The following FAM163A variants were observed in gnomAD, a reference collection of about 807,000 sequenced individuals.
FAM163A encodes the protein protein FAM163A.
In FAM163A, 7 loss-of-function variants were observed where a neutral mutation model predicts 12.0. The ratio of observed to expected loss-of-function variants is 0.58; its 90% CI spans 0.33 to 1.10. The LOEUF is 1.10. FAM163A is among the 50% of genes least tolerant of loss of function. The pLI is 0.03. For synonymous variants in FAM163A, 101 were observed against 91.0 expected, an observed-to-expected ratio of 1.11 and a Z score of -0.62; for missense variants, 202 against 218.6, an observed-to-expected ratio of 0.92 and a Z score of 0.48.
At chr1:179,761,744 G>A (rs777269866) in intron 1 of FAM163A, among the ~76,000 whole-genome samples, 7 of 152,158 alleles carry the variant, frequency 4.6e-5, no homozygotes, top group Non-Finnish European at 8.8e-5. Context: ...GACTGGGGTC[G>A]GTGAGGTGTT....
chr1:179,732,611 G>T, the FAM163A span, among the ~76,000 whole-genome samples: 1 of 152,110 alleles, frequency 6.6e-6, no homozygotes, highest in Non-Finnish European at 1.5e-5. Flanking sequence ...GCAGGATGCG[G>T]TGGCTCACAC....
chr1:179,730,639 T>C, the FAM163A span, among the ~76,000 whole-genome samples: 1 of 152,370 alleles, frequency 6.6e-6, no homozygotes, highest in South Asian at 2.1e-4. Flanking sequence ...ATGCAAGTTA[T>C]TGTGCTGGAT....
At chr1:179,780,179 G>A (rs1463102145) in intron 1 of FAM163A, among the ~76,000 whole-genome samples, 2 of 152,186 alleles carry the variant, frequency 1.3e-5, no homozygotes, top group South Asian at 2.1e-4. Flanking sequence ...CTATGCAAAT[G>A]TATATTTATG....
chr1:179,729,495 T>C, the FAM163A span, among the ~76,000 whole-genome samples: 1 of 152,122 alleles, frequency 6.6e-6, no homozygotes, highest in African/African-American at 2.4e-5. Context: ...ACCCAAGAGG[T>C]ACAATGCTAA....
intron 1 of FAM163A, among the ~76,000 whole-genome samples, chr1:179,806,085 TCTC>T: frequency 6.6e-6 from 1 of 152,276 alleles, no homozygotes; most frequent in Admixed American, 6.5e-5. Context: ...ACCATGGAAA[TCTC>T]CTCAGCAAAC....
chr1:179,790,601 C>G (rs770131650), intron 1 of FAM163A, among the ~76,000 whole-genome samples: 1 of 152,126 alleles, frequency 6.6e-6, no homozygotes, highest in Non-Finnish European at 1.5e-5. Context: ...AGATCAAACT[C>G]ACCCTTCCAC....
At chr1:179,754,009 C>T (rs932634662) in intron 1 of FAM163A, among the ~76,000 whole-genome samples, 2 of 152,104 alleles carry the variant, frequency 1.3e-5, no homozygotes, top group Non-Finnish European at 2.9e-5. Context: ...GAGTGCTGAC[C>T]ACATGATTGA....
chr1:179,804,351 T>C (rs1215720782), intron 1 of FAM163A, among the ~76,000 whole-genome samples: 1 of 152,142 alleles, frequency 6.6e-6, no homozygotes, highest in Non-Finnish European at 1.5e-5. Context: ...GGAGAGACAA[T>C]ATCAAATGGA....
intron 1 of FAM163A, among the ~76,000 whole-genome samples, chr1:179,792,750 C>A (rs140145257): frequency 8.5e-5 from 13 of 152,210 alleles, no homozygotes; most frequent in African/African-American, 2.9e-4. Flanking sequence ...ACCAAAAAGT[C>A]ATTTCTTCAT....
intron 2 of FAM163A, among the ~76,000 whole-genome samples, chr1:179,809,776 A>C (rs1467331300): frequency 6.6e-6 from 1 of 152,186 alleles, no homozygotes; most frequent in Non-Finnish European, 1.5e-5. Flanking sequence ...CTCTCTGTCC[A>C]TAAGCAGCCC....
At position 179,748,669 on chromosome 1, in the gene FAM163A, A is replaced by G. The variant is rs1225943962; in HGVS notation, c.-136+5246A>G. 4.6e-5 allele frequency among the ~76,000 whole-genome samples: 7 copies of G among 152,192 alleles called. No individual in the cohort carries two copies. The East Asian group carries it at 1.3e-3, about 29-fold the overall frequency. On this transcript the variant is annotated intron_variant, in intron 1 of 4. Coordinates refer to ENST00000341785, the MANE Select transcript of FAM163A (RefSeq NM_173509.3). ...GACATGCTGTCAGGTGCACAGGGCT[A>G]AAGTGAAGCAGAGACTGGCCCAAGG...
chr1:179,770,559 C>G (rs1413446308), intron 1 of FAM163A, among the ~76,000 whole-genome samples: 1 of 152,182 alleles, frequency 6.6e-6, no homozygotes, highest in East Asian at 1.9e-4. Flanking sequence ...TCATCTCCAG[C>G]CTTCTCTATC....
At chr1:179,788,771 A>T (rs1305270763) in intron 1 of FAM163A, among the ~76,000 whole-genome samples, 2 of 152,202 alleles carry the variant, frequency 1.3e-5, no homozygotes. Flanking sequence ...GAAAGAGGTC[A>T]CAAAAAGGGG....
the FAM163A span, among the ~76,000 whole-genome samples, chr1:179,732,630 C>A: frequency 6.6e-6 from 1 of 152,150 alleles, no homozygotes; most frequent in African/African-American, 2.4e-5. Context: ...ACCTGCAATT[C>A]CAGCACTTTA....
chr1:179,796,654 C>A lies in FAM163A; in HGVS notation c.-135-11144C>A, dbSNP rs971875238. Among the ~76,000 whole-genome samples, 86 of 152,232 alleles carry A rather than the reference C, an allele frequency of 5.6e-4. 1 individual carries two copies. Among genetic ancestry groups the A allele is most frequent in the African/African-American group, 2.1e-3 (86 of 41,536 alleles). ...CATTGTCTAAGTACATCCAGGTTGG[C>A]TACTCTGACCTTTCTAACATATAAA... On this transcript the variant is annotated intron_variant, in intron 1 of 4. Coordinates refer to ENST00000341785, the MANE Select transcript of FAM163A (RefSeq NM_173509.3).
intron 1 of FAM163A, among the ~76,000 whole-genome samples, chr1:179,795,674 A>T (rs1692195731): frequency 6.6e-6 from 1 of 152,210 alleles, no homozygotes; most frequent in Admixed American, 6.5e-5. Flanking sequence ...ATAGGCTAAG[A>T]CACAGTCCCA....
intron 1 of FAM163A, among the ~76,000 whole-genome samples, chr1:179,768,224 T>C (rs79498520): frequency 0.11 from 17,341 of 152,288 alleles, 1,095 homozygotes; most frequent in Non-Finnish European, 0.13. Context: ...TCTCTTTAAC[T>C]GTTTATCTGT....
intron 1 of FAM163A, among the ~76,000 whole-genome samples, chr1:179,781,412 A>T (rs1196732286): frequency 6.6e-6 from 1 of 151,626 alleles, no homozygotes; most frequent in Non-Finnish European, 1.5e-5. Context: ...GCAGTATAGC[A>T]TGGGGCACGT....
intron 1 of FAM163A, among the ~76,000 whole-genome samples, chr1:179,745,156 GGGGAAGTAATGTGT>G (rs1684288542): frequency 6.6e-6 from 1 of 152,180 alleles, no homozygotes; most frequent in African/African-American, 2.4e-5. Flanking sequence ...GGCGTCCAGA[GGGGAAGTAATGTGT>G]GGCTCTCGGA....
Sources: gnomAD v4.1 joint callset for allele counts (sites outside exome capture counted in the v4.1 genomes callset) on GRCh38, gnomAD v4.1.1 for gene constraint, MANE v1.5 for transcripts, NCBI Gene and HGNC (gene_info 2026-07-23, HGNC 2026-07-21) for gene names.